The following TM6SF2 variants were observed in gnomAD, a reference collection of about 807,000 sequenced individuals.
TM6SF2 encodes transmembrane 6 superfamily member 2.
A neutral mutation model predicts 41.0 loss-of-function variants in TM6SF2; 29 were observed. That is an observed-to-expected ratio of 0.71 (90% CI 0.53 to 0.96). The LOEUF (loss-of-function observed/expected upper bound fraction) is 0.96. Among genes scored for constraint, TM6SF2 ranks in the 50% least tolerant of loss-of-function variants. The probability of loss-of-function intolerance (pLI) is 0.00; values close to 1 mark genes in which losing one functional copy is unlikely to be tolerated. For missense variants in TM6SF2, 475 were observed against 499.0 expected, an observed-to-expected ratio of 0.95 and a Z score of 0.46; for synonymous variants, 200 against 209.1, an observed-to-expected ratio of 0.96 and a Z score of 0.37.
intron 5 of TM6SF2, among the ~76,000 whole-genome samples, chr19:19,269,159 C>T (rs1183867005): frequency 1.3e-5 from 2 of 152,218 alleles, no homozygotes; most frequent in Non-Finnish European, 2.9e-5. Flanking sequence ...ATACCATCCT[C>T]ATTCAAGCTC....
At chr19:19,266,966 C>T (rs796544366) in intron 8 of TM6SF2, among the ~76,000 whole-genome samples, 52 of 152,282 alleles carry the variant, frequency 3.4e-4, no homozygotes, top group African/African-American at 1.3e-3. Context: ...AATAAGGGCT[C>T]ACATTGCTCT....
Position 19,273,061 on chromosome 19 carries a change from T to TGGCCCCCCCCCC in TM6SF2, c.95+59_95+60insGGGGGGGGGGCC. ...CCTCCCTCCAGCCCACCTCCAGTCC[T>TGGCCCCCCCCCC]CCCCGCCCCCGCCCGCCCCCACTGT... On this transcript the variant is annotated intron_variant, in intron 1 of 9. Coordinates refer to ENST00000389363, the MANE Select transcript of TM6SF2 (RefSeq NM_001001524.3). The TGGCCCCCCCCCC allele has an allele frequency of 4.9e-5, 15 of 305,454 alleles. 2 individuals carry two copies. Among genetic ancestry groups the TGGCCCCCCCCCC allele is most frequent in the Non-Finnish European group, 8.5e-5 (14 of 164,436 alleles). 18.9% of individuals were successfully genotyped at this position (305,454 alleles called of 1,614,324 possible). A position where few individuals can be genotyped will look rare whatever the true frequency, so the allele number is the denominator to read the frequency against.
intron 9 of TM6SF2, among the ~76,000 whole-genome samples, chr19:19,265,325 G>A (rs1035620253): frequency 3.3e-5 from 5 of 151,966 alleles, no homozygotes; most frequent in African/African-American, 1.2e-4. Flanking sequence ...TAGGATTACA[G>A]GCATAAGCCA....
At chr19:19,268,792 G>C (rs2061012698) in intron 5 of TM6SF2, 38 bp from the exon 6 acceptor site, 1 of 1,550,272 alleles carries the variant, frequency 6.5e-7, no homozygotes, top group Non-Finnish European at 8.6e-7. Flanking sequence ...AGCCATGCCA[G>C]AACCCTGCTG....
chr19:19,269,556 G>T, intron 5 of TM6SF2, 131 bp downstream of exon 5: 1 of 1,097,278 alleles, frequency 9.1e-7, no homozygotes, highest in Non-Finnish European at 1.3e-6. Flanking sequence ...TGAGGCTGTG[G>T]ACACGCAAAG....
At chr19:19,269,270 T>C (rs13344498) in intron 5 of TM6SF2, among the ~76,000 whole-genome samples, 4,397 of 152,258 alleles carry the variant, frequency 0.029, 232 homozygotes, top group African/African-American at 0.1. Context: ...TACCTTCCAG[T>C]GGGTTCTTTG....
intron 1 of TM6SF2, among the ~76,000 whole-genome samples, chr19:19,272,917 C>A (rs1399740687): frequency 6.6e-6 from 1 of 152,182 alleles, no homozygotes; most frequent in Non-Finnish European, 1.5e-5. Context: ...AGCCTCCAGC[C>A]CGGCGGGAAG....
rs778218963 is a variant in TM6SF2, at chr19:19,271,125, G to C, written c.96C>G (p.His32Gln). 7 of 1,613,674 alleles carry C rather than the reference G, an allele frequency of 4.3e-6. No homozygotes were observed. The East Asian group carries it at 1.3e-4, about 31-fold the overall frequency. ...YALNHVSALS[H>Q]PLWVALMSAL... ...CGCTCATCAATGCCACCCACAGGGGGCTGTGGAGAGGGAAGCCAAGTCAGG... is the reference window on the plus strand; with the variant it reads ...CGCTCATCAATGCCACCCACAGGGGCCTGTGGAGAGGGAAGCCAAGTCAGG... The change falls in exon 2 of 10, where the codon CAC becomes CAG. Residue 32 changes from histidine (H) to glutamine (Q), a missense_variant and splice_region_variant. Transcript: ENST00000389363.
chr19:19,267,241 G>A (rs1313367308), intron 8 of TM6SF2, among the ~76,000 whole-genome samples: 2 of 151,956 alleles, frequency 1.3e-5, no homozygotes, highest in African/African-American at 2.4e-5. Context: ...GGTGGCTCAC[G>A]CCTGTAATCC....
rs1212168895 is a variant in TM6SF2 at position 19,264,749 on chromosome 19, A to G, written c.1049T>C (p.Leu350Pro). The change falls in exon 10 of 10, where the codon CTG becomes CCG. Residue 350 changes from leucine (L) to proline (P), a missense_variant. Leu to Pro is a moderately conservative substitution (Grantham distance 98). Around this residue, in one of 3 missense-constraint regions of TM6SF2, gnomAD observed 190 missense variants for 190.2 expected, o/e 1.00. Coordinates refer to ENST00000389363, the MANE Select transcript of TM6SF2 (RefSeq NM_001001524.3). ...NLLYALGPHL[L>P]AYRCLQWPAF... Reference sequence around the variant, plus strand: ...GGGCCACTGAAGGCAACGGTAGGCCAGCAGGTGGGGGCCCAGCGCATACAG... The same window carrying G: ...GGGCCACTGAAGGCAACGGTAGGCCGGCAGGTGGGGGCCCAGCGCATACAG... The G allele has an allele frequency of 1.2e-6, 2 of 1,607,502 alleles. No homozygotes were observed. Among genetic ancestry groups the G allele is most frequent in the South Asian group, 1.1e-5 (1 of 89,852 alleles).
At chr19:19,267,771 C>T in intron 7 of TM6SF2, 58 bp from the exon 8 acceptor site, 1 of 1,522,704 alleles carries the variant, frequency 6.6e-7, no homozygotes, top group Non-Finnish European at 9.0e-7. Context: ...GAAGCCTCCC[C>T]CACCCTCCCA....
chr19:19,270,511 T>C, intron 2 of TM6SF2, 69 bp from the exon 3 acceptor site: 1 of 1,523,448 alleles, frequency 6.6e-7, no homozygotes. Context: ...GGGCTTAGTG[T>C]GGGCGGGGCT....
chr19:19,267,934 GGGAA>G, intron 7 of TM6SF2, 48 bp downstream of exon 7: 3 of 1,449,906 alleles, frequency 2.1e-6, no homozygotes, highest in Non-Finnish European at 2.9e-6. Context: ...AGGTGGGTCA[GGGAA>G]GGGAGACTGG....
intron 8 of TM6SF2, 40 bp from the exon 9 acceptor site, chr19:19,266,649 G>T: frequency 6.3e-7 from 1 of 1,581,970 alleles, no homozygotes; most frequent in South Asian, 1.1e-5. Context: ...CCTGTGAGAT[G>T]AGCAGCTACC....
At position 19,264,764 on chromosome 19, in the gene TM6SF2, AG is replaced by A. The variant is rs2060996702; in HGVS notation, c.1033del (p.Leu345TrpfsTer26). 1 of 1,609,770 alleles carries A rather than the reference AG, an allele frequency of 6.2e-7. No homozygotes were observed. Among genetic ancestry groups the A allele is most frequent in the Non-Finnish European group, 8.5e-7 (1 of 1,178,158 alleles). On this transcript the variant is annotated frameshift_variant, in exon 10 of 10. Coordinates refer to ENST00000389363, the MANE Select transcript of TM6SF2 (RefSeq NM_001001524.3). LOFTEE classifies it low-confidence loss of function (END_TRUNC). ...CFFVCNLLYA[L>X]GPHLLAYRCL... is the part of the protein sequence containing the mutation. The stretch of plus-strand genomic sequence containing the variant: ...ACGGTAGGCCAGCAGGTGGGGGCCC[AG>A]CGCATACAGCAGATTGCACACGAAG...
At chr19:19,273,061 T>TCCCCCCCCCCCCCCCCCC in intron 1 of TM6SF2, 60 bp downstream of exon 1, 1 of 305,470 alleles carries the variant, frequency 3.3e-6, no homozygotes, top group Non-Finnish European at 6.1e-6. Flanking sequence ...CCTCCAGTCC[T>TCCCCCCCCCCCCCCCCCC]CCCCGCCCCC....
intron 7 of TM6SF2, 91 bp from the exon 8 acceptor site, chr19:19,267,804 C>A: frequency 7.7e-7 from 1 of 1,305,548 alleles, no homozygotes. Context: ...TTGCTCTGGC[C>A]TCTCCCAGCC....
rs1256764003 is a variant in TM6SF2, at chr19:19,264,797, C to T, written c.1001G>A (p.Gly334Asp). 6.2e-7 allele frequency: 1 copy of T among 1,608,994 alleles called. No individual in the cohort carries two copies. Among genetic ancestry groups the T allele is most frequent in the Non-Finnish European group, 8.5e-7 (1 of 1,177,890 alleles). The stretch of plus-strand genomic sequence containing the variant: ...CAGCAGATTGCACACGAAGAAGCAG[C>T]CCCAGGTGTCCTCAGGCACACGGTA... ...FTYRVPEDTW[G>D]CFFVCNLLYA... Residue 334 changes from glycine (G) to aspartate (D), a missense_variant, in exon 10 of 10, where the codon GGC becomes GAC. Physicochemically the swap from Gly to Asp is moderately conservative, Grantham distance 94. Transcript: ENST00000389363.
intron 5 of TM6SF2, among the ~76,000 whole-genome samples, chr19:19,269,127 G>A (rs2061013948): frequency 6.6e-6 from 1 of 152,076 alleles, no homozygotes; most frequent in South Asian, 2.1e-4. Context: ...TGGCCTCTCT[G>A]GCTGGACATC....
Sources: gnomAD v4.1 joint callset for allele counts (sites outside exome capture counted in the v4.1 genomes callset) on GRCh38, gnomAD v4.1.1 for gene constraint, gnomAD v4.1.1 regional missense constraint, MANE v1.5 for transcripts, NCBI Gene and HGNC (gene_info 2026-07-23, HGNC 2026-07-21) for gene names.